Variants in EIF2AK4 observed in about 807,000 individuals in gnomAD.
EIF2AK4 encodes eIF-2-alpha kinase GCN2.
EIF2AK4 carries 139 observed loss-of-function variants against 211.1 expected under a neutral mutation model. The observed-to-expected ratio is 0.66, with a 90% CI of 0.57 to 0.76. The LOEUF is 0.76. Ranked by LOEUF, EIF2AK4 falls within the 30% of genes least tolerant of loss-of-function variation. The pLI, the probability that EIF2AK4 is intolerant of heterozygous loss-of-function variation, is 0.00. For synonymous variants in EIF2AK4, 710 were observed against 751.3 expected, an observed-to-expected ratio of 0.94 and a Z score of 0.90; for missense variants, 1,664 against 2,043.8, an observed-to-expected ratio of 0.81 and a Z score of 3.58.
chr15:39,998,867 C>G, intron 20 of EIF2AK4, 83 bp downstream of exon 20: 1 of 1,150,098 alleles, frequency 8.7e-7, no homozygotes. Flanking sequence ...TAGTAATCTT[C>G]TGCCACTCAT....
At chr15:39,949,720 C>T (rs1033840156) in intron 4 of EIF2AK4, among the ~76,000 whole-genome samples, 9 of 151,940 alleles carry the variant, frequency 5.9e-5, no homozygotes, top group South Asian at 2.1e-4. Context: ...TTAATATCTA[C>T]GCAAACAGAT....
At chr15:39,996,825 A>G in intron 18 of EIF2AK4, 139 bp from the exon 19 acceptor site, 1 of 600,916 alleles carries the variant, frequency 1.7e-6, no homozygotes. Context: ...TTTAAGAACA[A>G]ATCTTCGCAT....
In EIF2AK4 at chr15:39,973,733, T is replaced by G; in HGVS notation, c.1802T>G (p.Phe601Cys). 2 of 1,614,180 alleles carry G rather than the reference T, an allele frequency of 1.2e-6. No individual in the cohort carries two copies. The highest frequency in any genetic ancestry group is 1.7e-6 in the Non-Finnish European group (2 of 1,179,986). ...TTACAACTTCTTGGTAAAGGAGCTT[T>G]TGGAGCTGTCATCAAGGTGTGGTAC... ...EELQLLGKGA[F>C]GAVIKVQNKL... Residue 601 changes from phenylalanine to cysteine, a missense_variant, in exon 11 of 39, where the codon TTT becomes TGT. Around this residue, in one of 7 missense-constraint regions of EIF2AK4, gnomAD observed 37 missense variants for 84.0 expected, o/e 0.44. Transcript: ENST00000263791.
At position 39,943,400 on chromosome 15, in the gene EIF2AK4, TA is replaced by T; in HGVS notation, c.281del (p.Asn94MetfsTer13). On this transcript the variant is annotated frameshift_variant, in exon 3 of 39. Transcript: ENST00000263791. LOFTEE classifies it high-confidence loss of function. ...TTTTCCAGAGTTCCTGAAATAGAGT[TA>T]AAAAATGCCAAAGGTCTATCAAATG... is the stretch of plus-strand genomic sequence containing the variant. The part of the protein sequence containing the change: ...TYPDVVPEIE[L>X]KNAKGLSNES... The T allele has an allele frequency of 6.5e-7, 1 of 1,546,608 alleles. No individual in the cohort carries two copies. Among genetic ancestry groups the T allele is most frequent in the Non-Finnish European group, 8.7e-7 (1 of 1,155,026 alleles).
intron 11 of EIF2AK4, 38 bp from the exon 12 acceptor site, chr15:39,976,376 G>C (rs2034691912): frequency 1.9e-6 from 3 of 1,541,722 alleles, no homozygotes; most frequent in Non-Finnish European, 2.6e-6. Context: ...GTTTGTGCAA[G>C]GCTCCGAGCG....
At chr15:39,944,741 CTT>C (rs2034203609) in intron 3 of EIF2AK4, among the ~76,000 whole-genome samples, 1 of 152,052 alleles carries the variant, frequency 6.6e-6, no homozygotes, top group Non-Finnish European at 1.5e-5. Context: ...CCAACGATCT[CTT>C]TATGTGAAAA....
chr15:39,967,333 T>TTTA lies in EIF2AK4; in HGVS notation c.1018-11_1018-10insTTA. The TTTA allele has an allele frequency of 6.5e-7, 1 of 1,548,254 alleles. No homozygotes were observed. Among genetic ancestry groups the TTTA allele is most frequent in the South Asian group, 1.2e-5 (1 of 82,172 alleles). On this transcript the variant is annotated splice_polypyrimidine_tract_variant and intron_variant, in intron 8 of 38. Coordinates refer to ENST00000263791, the MANE Select transcript of EIF2AK4 (RefSeq NM_001013703.4). ...GCCCAATATTCTTTTTTTTTTTTTT[T>TTTA]AACTTATCAGATTCAAGGAACAGAA...
intron 19 of EIF2AK4, 65 bp from the exon 20 acceptor site, chr15:39,998,663 TATG>T: frequency 8.1e-7 from 1 of 1,240,844 alleles, no homozygotes; most frequent in South Asian, 1.3e-5. Flanking sequence ...TTTTCTTACT[TATG>T]GTGAATAAAT....
At position 40,032,230 on chromosome 15, in the gene EIF2AK4, T is replaced by A; in HGVS notation, c.4721T>A (p.Ile1574Asn). ...CATCAGAAAAGCAGTGAAATTGAAA[T>A]TCTGGCTGTAAGTGGCTTTCTTTAG... is the stretch of plus-strand genomic sequence containing the variant. The part of the protein sequence containing the change: ...NLHQKSSEIE[I>N]LAVDLPKETI... Residue 1574 changes from isoleucine to asparagine, a missense_variant, in exon 36 of 39, where the codon ATT becomes AAT. This residue lies in a region of EIF2AK4 where 138 missense variants were observed against 165.1 expected (regional missense o/e 0.84). Transcript: ENST00000263791. 6.2e-7 allele frequency: 1 copy of A among 1,614,206 alleles called. No individual in the cohort carries two copies. Among genetic ancestry groups the A allele is most frequent in the Non-Finnish European group, 8.5e-7 (1 of 1,179,994 alleles).
chr15:40,011,184 A>G, intron 26 of EIF2AK4, 97 bp from the exon 27 acceptor site: 1 of 993,326 alleles, frequency 1.0e-6, no homozygotes, highest in South Asian at 1.5e-5. Context: ...AGTTTGTTCA[A>G]AATGAAGGCT....
rs753912843 is a variant in EIF2AK4 at position 40,007,055 on chromosome 15, A to C, written c.3397A>C (p.Asn1133His). 3.8e-6 allele frequency: 6 copies of C among 1,594,718 alleles called. No homozygotes were observed. The East Asian group carries it at 1.3e-4, about 36-fold the overall frequency. Residue 1133 changes from asparagine (N) to histidine (H), a missense_variant, in exon 24 of 39, where the codon AAT becomes CAT. Around this residue, in one of 7 missense-constraint regions of EIF2AK4, gnomAD observed 622 missense variants for 796.8 expected, o/e 0.78. Transcript: ENST00000263791. ...ATATGTGGCAAGAAATAATATATTG[A>C]ATTTAAAACGGTAAGAAACAATAGG... ...ARYVARNNIL[N>H]LKRYCIERVF... is the part of the protein sequence containing the mutation.
intron 35 of EIF2AK4, among the ~76,000 whole-genome samples, chr15:40,031,078 A>G (rs1178378897): frequency 6.6e-6 from 1 of 152,138 alleles, no homozygotes; most frequent in Non-Finnish European, 1.5e-5. Context: ...TGTCTCTACT[A>G]AAAATACAAA....
At position 39,955,684 on chromosome 15, in the gene EIF2AK4, A is replaced by G; in HGVS notation, c.659A>G (p.His220Arg). 6.2e-7 allele frequency: 1 copy of G among 1,613,400 alleles called. No individual in the cohort carries two copies. Among genetic ancestry groups the G allele is most frequent in the Non-Finnish European group, 8.5e-7 (1 of 1,179,838 alleles). ...DHTSKKDPGG[H>R]RTAAILHGGS... Reference sequence around the variant, plus strand: ...ACCTCTAAGAAGGACCCAGGAGGACACAGAACGGCTGCCATTCTACATGGA... The same window carrying G: ...ACCTCTAAGAAGGACCCAGGAGGACGCAGAACGGCTGCCATTCTACATGGA... The change falls in exon 6 of 39, where the codon CAC (histidine) becomes CGC (arginine). Residue 220 changes from histidine to arginine, a missense_variant. Physicochemically the swap from His to Arg is conservative, Grantham distance 29. Coordinates refer to ENST00000263791, the MANE Select transcript of EIF2AK4 (RefSeq NM_001013703.4).
At chr15:40,021,166 G>C (rs2035382561) in intron 31 of EIF2AK4, 139 bp downstream of exon 31, 1 of 973,978 alleles carries the variant, frequency 1.0e-6, no homozygotes, top group African/African-American at 1.7e-5. Flanking sequence ...TCTGATTGCT[G>C]CAGTAACCAA....
intron 10 of EIF2AK4, 41 bp downstream of exon 10, chr15:39,973,055 A>G: frequency 6.4e-7 from 1 of 1,552,002 alleles, no homozygotes. Flanking sequence ...CCTGTTTGAC[A>G]TTAAATTATT....
Position 39,967,572 on chromosome 15 carries a change from C to A in EIF2AK4, c.1246C>A (p.Leu416Met). 1 of 1,613,900 alleles carries A rather than the reference C, an allele frequency of 6.2e-7. No homozygotes were observed. Residue 416 changes from leucine (L) to methionine (M), a missense_variant, in exon 9 of 39, where the codon CTG (leucine) becomes ATG (methionine). By Grantham distance (15) the Leu-to-Met change is conservative. This residue lies in a region of EIF2AK4 where 641 missense variants were observed against 729.6 expected (regional missense o/e 0.88). Coordinates refer to ENST00000263791, the MANE Select transcript of EIF2AK4 (RefSeq NM_001013703.4). ...TCAGCTCCTGTCAGGCCTTGATTAT[C>A]TGCACAGCAATTCTGTGGTGCATAA... Reference protein sequence around the residue: ...TAQLLSGLDYLHSNSVVHKVL... With the variant: ...TAQLLSGLDYMHSNSVVHKVL...
At chr15:40,009,277 T>C (rs1282331610) in intron 25 of EIF2AK4, among the ~76,000 whole-genome samples, 1 of 151,778 alleles carries the variant, frequency 6.6e-6, no homozygotes, top group East Asian at 1.9e-4. Flanking sequence ...TTTGTAGAGA[T>C]GGGGTTTCCC....
At chr15:39,976,910 T>C (rs542231469) in intron 12 of EIF2AK4, 66 bp downstream of exon 12, 8 of 1,404,134 alleles carry the variant, frequency 5.7e-6, no homozygotes, top group Non-Finnish European at 7.4e-6. Flanking sequence ...TATTTTTTTT[T>C]CCTTTTTCCT....
chr15:39,985,904 G>A lies in EIF2AK4; in HGVS notation c.2403+16G>A, dbSNP rs1394234939. On this transcript the variant is annotated intron_variant, in intron 14 of 38. Coordinates refer to ENST00000263791, the MANE Select transcript of EIF2AK4 (RefSeq NM_001013703.4). ...ATACATCCAGGTGAGGTCGTGGTGTGTAGTTAGGTGACACAGCAACACCCA... is the reference window on the plus strand; with the variant it reads ...ATACATCCAGGTGAGGTCGTGGTGTATAGTTAGGTGACACAGCAACACCCA... 4 of 1,612,124 alleles carry A rather than the reference G, an allele frequency of 2.5e-6. No homozygotes were observed. Among genetic ancestry groups the A allele is most frequent in the East Asian group, 2.2e-5 (1 of 44,838 alleles).
Sources: allele counts gnomAD v4.1 joint callset (sites outside exome capture counted in the v4.1 genomes callset), GRCh38; gene constraint gnomAD v4.1.1; regional missense constraint gnomAD v4.1.1; transcripts MANE v1.5; gene names NCBI Gene and HGNC (gene_info 2026-07-23, HGNC 2026-07-21).